EEIG1: variants seen among roughly 807,000 people sequenced by gnomAD.
EEIG1 encodes the protein estrogen-induced osteoclastogenesis regulator 1, also known as early estrogen-induced gene 1 protein.
the EEIG1 span, chr9:127,979,936 G>A: frequency 6.4e-7 from 1 of 1,571,762 alleles, no homozygotes; most frequent in Non-Finnish European, 8.6e-7. Context: ...CTTGCCAAGT[G>A]TCTAGGTCTC....
chr9:127,943,241 C>G, the EEIG1 span: 1 of 1,614,102 alleles, frequency 6.2e-7, no homozygotes, highest in Non-Finnish European at 8.5e-7. Flanking sequence ...AGAGACCCTG[C>G]AGGTGAGAGA....
chr9:127,964,643 C>G, the EEIG1 span, among the ~76,000 whole-genome samples: 1 of 152,264 alleles, frequency 6.6e-6, no homozygotes, highest in Admixed American at 6.5e-5. Flanking sequence ...GGGCTCCAGC[C>G]TGACCCACGT....
At chr9:127,945,346 G>A in the EEIG1 span, 4 of 1,554,056 alleles carry the variant, frequency 2.6e-6, no homozygotes, top group Admixed American at 5.6e-5. The surrounding 1 kb of genome is among the most constrained non-coding windows in gnomAD (Gnocchi z 6.5). Flanking sequence ...TCTCCAGGGG[G>A]CACCAAGCAG....
chr9:127,944,820 C>T, the EEIG1 span: 1 of 1,612,372 alleles, frequency 6.2e-7, no homozygotes, highest in East Asian at 2.2e-5. Flanking sequence ...TCTGCACGAT[C>T]TTCTCCACGA....
At chr9:127,956,064 G>C in the EEIG1 span, among the ~76,000 whole-genome samples, 1 of 152,232 alleles carries the variant, frequency 6.6e-6, no homozygotes, top group Non-Finnish European at 1.5e-5. Flanking sequence ...CAAGCAGAAA[G>C]GTCAGGGCTG....
At chr9:127,977,235 C>G in the EEIG1 span, among the ~76,000 whole-genome samples, 1 of 152,214 alleles carries the variant, frequency 6.6e-6, no homozygotes, top group Non-Finnish European at 1.5e-5. Context: ...AGGTTGCATG[C>G]AGGACAGGGC....
chr9:127,940,775 CCTT>C, the EEIG1 span: 3 of 151,964 alleles, frequency 2.0e-5, no homozygotes, highest in African/African-American at 7.3e-5. Flanking sequence ...CCGCCCATCT[CCTT>C]ATCACCTCCC....
At chr9:127,961,968 G>C in the EEIG1 span, among the ~76,000 whole-genome samples, 3 of 152,334 alleles carry the variant, frequency 2.0e-5, no homozygotes, top group South Asian at 6.2e-4. Context: ...TGGAGGGGCA[G>C]TCCCCACGGT....
the EEIG1 span, chr9:127,950,407 G>A: frequency 5.0e-6 from 8 of 1,612,440 alleles, no homozygotes; most frequent in South Asian, 8.8e-5. Flanking sequence ...GGCAGAGGTG[G>A]CAGGATCCCT....
chr9:127,948,433 T>G, the EEIG1 span: 1 of 1,613,804 alleles, frequency 6.2e-7, no homozygotes, highest in Non-Finnish European at 8.5e-7. Flanking sequence ...AGGGGAGCAA[T>G]CAGCTATGCC....
At chr9:127,946,353 C>T in the EEIG1 span, among the ~76,000 whole-genome samples, 2 of 152,242 alleles carry the variant, frequency 1.3e-5, no homozygotes, top group African/African-American at 4.8e-5. Flanking sequence ...ACAGACTTTC[C>T]TGGCACTCCC....
chr9:127,946,147 T>G, the EEIG1 span, among the ~76,000 whole-genome samples: 1 of 152,172 alleles, frequency 6.6e-6, no homozygotes, highest in African/African-American at 2.4e-5. Flanking sequence ...GACACATTGC[T>G]GGAGGGAGCC....
chr9:127,958,436 G>T, the EEIG1 span, among the ~76,000 whole-genome samples: 2 of 152,086 alleles, frequency 1.3e-5, no homozygotes, highest in African/African-American at 4.8e-5. Context: ...AGGCCAAGGT[G>T]GGAGGATCAC....
At chr9:127,963,818 G>A in the EEIG1 span, 2 of 152,288 alleles carry the variant, frequency 1.3e-5, no homozygotes, top group African/African-American at 4.8e-5. Flanking sequence ...GCAACCTCCT[G>A]GAGGAGTCCC....
At chr9:127,976,677 C>T in the EEIG1 span, among the ~76,000 whole-genome samples, 1 of 152,226 alleles carries the variant, frequency 6.6e-6, no homozygotes, top group African/African-American at 2.4e-5. The surrounding 1 kb of genome is among the most constrained non-coding windows in gnomAD (Gnocchi z 4.1). Context: ...CCTGCTCTAC[C>T]TGCTCAAATT....
chr9:127,978,476 C>CA, the EEIG1 span, among the ~76,000 whole-genome samples: 2 of 152,100 alleles, frequency 1.3e-5, no homozygotes, highest in Non-Finnish European at 1.5e-5. Flanking sequence ...AGGGAAGCAG[C>CA]GTGTCCCAGG....
At chr9:127,953,017 G>A in the EEIG1 span, among the ~76,000 whole-genome samples, 2 of 152,072 alleles carry the variant, frequency 1.3e-5, no homozygotes, top group Admixed American at 6.5e-5. Context: ...ATGCCCAGCC[G>A]TACTCGGGAG....
the EEIG1 span, chr9:127,942,884 C>T: frequency 3.3e-5 from 15 of 452,250 alleles, no homozygotes; most frequent in African/African-American, 9.9e-5. Flanking sequence ...TCTCCAGCAG[C>T]GCCGGTCCTT....
chr9:127,971,982 G>T, the EEIG1 span, among the ~76,000 whole-genome samples: 1 of 152,248 alleles, frequency 6.6e-6, no homozygotes, highest in South Asian at 2.1e-4. Flanking sequence ...GAGTGGCGGG[G>T]CCTCCCATGT....
Sources: gnomAD v4.1 joint callset for allele counts (sites outside exome capture counted in the v4.1 genomes callset) on GRCh38, gnomAD v4.1.1 for gene constraint, Gnocchi (gnomAD v3.1) non-coding constraint, MANE v1.5 for transcripts, NCBI Gene and HGNC (gene_info 2026-07-23, HGNC 2026-07-21) for gene names.